MCTP2: variants seen among roughly 807,000 people sequenced by gnomAD.
MCTP2 encodes multiple C2 and transmembrane domain containing 2.
In MCTP2, 132 loss-of-function variants were observed where a neutral mutation model predicts 111.6. The observed-to-expected ratio is 1.18, with a 90% CI of 1.03 to 1.37. MCTP2 has a LOEUF of 1.37. MCTP2 is among the 40% of genes most tolerant of loss of function. MCTP2 has a pLI of 0.00. For missense variants in MCTP2, 1,183 were observed against 1,067.9 expected, an observed-to-expected ratio of 1.11 and a Z score of -1.50; for synonymous variants, 395 against 387.7, an observed-to-expected ratio of 1.02 and a Z score of -0.22.
At position 94,476,697 on chromosome 15, in the gene MCTP2, CATAA is replaced by C; in HGVS notation, c.2479_2482del (p.Lys827LeufsTer17). ...ATCTCCTGTGTTTCTATTTTTCAGG[CATAA>C]ATAAATTTACTAAGAAGCTTCGAAA... On this transcript the variant is annotated frameshift_variant and splice_region_variant, in exon 22 of 23. Coordinates refer to ENST00000357742, the MANE Select transcript of MCTP2 (RefSeq NM_001385001.1). LOFTEE classifies it high-confidence loss of function. The C allele has an allele frequency of 1.3e-6, 2 of 1,513,010 alleles. No homozygotes were observed. The highest frequency in any genetic ancestry group is 1.7e-4 in the Middle Eastern group (1 of 5,790). 93.7% of individuals were successfully genotyped at this position (1,513,010 alleles called of 1,614,324 possible). A position where few individuals can be genotyped will look rare whatever the true frequency, so the allele number is the denominator to read the frequency against.
chr15:94,399,049 T>TTA lies in MCTP2; in HGVS notation c.1884_1885dup (p.Asn629IlefsTer4). ...GGAGTTATTTACTTAGAGATGGACC[T>TTA]TATATATAATCCGGTAAGTCTAGCT... On this transcript the variant is annotated frameshift_variant, in exon 15 of 23. Transcript: ENST00000357742. LOFTEE classifies it high-confidence loss of function. 2.7e-6 allele frequency: 4 copies of TTA among 1,490,022 alleles called. No individual in the cohort carries two copies. Among genetic ancestry groups the TTA allele is most frequent in the Non-Finnish European group, 3.7e-6 (4 of 1,067,516 alleles). The allele number at this position is 1,490,022 out of a possible 1,614,324, so 92.3% of individuals were successfully genotyped here. A position where few individuals can be genotyped will look rare whatever the true frequency, so the allele number is the denominator to read the frequency against.
At chr15:94,379,403 T>C (rs998561816) in intron 12 of MCTP2, among the ~76,000 whole-genome samples, 1 of 152,128 alleles carries the variant, frequency 6.6e-6, no homozygotes, top group African/African-American at 2.4e-5. Flanking sequence ...AAATAGAGTT[T>C]TAGAAATTTT....
intron 4 of MCTP2, among the ~76,000 whole-genome samples, chr15:94,338,488 A>ATTTTT (rs201502636): frequency 1.9e-4 from 25 of 134,190 alleles, no homozygotes; most frequent in African/African-American, 6.4e-4. Context: ...GTTTGCAGGC[A>ATTTTT]TTTTTTTTTT....
intron 17 of MCTP2, among the ~76,000 whole-genome samples, chr15:94,415,779 A>G (rs184432292): frequency 9.5e-4 from 145 of 152,238 alleles, no homozygotes; most frequent in African/African-American, 3.2e-3. Context: ...CACATTTGAA[A>G]AAAGATCTCC....
chr15:94,245,714 G>GTA lies in MCTP2; in HGVS notation c.-66+14051_-66+14052insAT, dbSNP rs1470616292. Among the ~76,000 whole-genome samples, 9 of 142,808 alleles carry GTA rather than the reference G, an allele frequency of 6.3e-5. No individual in the cohort carries two copies. In the East Asian group the frequency reaches 1.0e-3, roughly 16 times the overall value. 93.7% of individuals were successfully genotyped at this position (142,808 alleles called of 152,430 possible). Reference sequence around the variant, plus strand: ...CATATATAAATATATGTGTGTGTGTGTGTATATATATATATATATATCTAT... The same window carrying GTA: ...CATATATAAATATATGTGTGTGTGTGTATGTATATATATATATATATATCTAT... On this transcript the variant is annotated intron_variant, in intron 1 of 22. Transcript: ENST00000357742.
Position 94,460,543 on chromosome 15 carries a change from CAGGA to C in MCTP2, c.2360+2304_2360+2307del, listed in dbSNP as rs144110558. 6.3e-3 allele frequency among the ~76,000 whole-genome samples: 953 copies of C among 152,288 alleles called. 12 individuals carry two copies. Among genetic ancestry groups the C allele is most frequent in the African/African-American group, 0.022 (909 of 41,558 alleles). The stretch of plus-strand genomic sequence containing the variant: ...GAGGACACAGAGTGGGGTCAAGACC[CAGGA>C]AGGAAGATCATGTTGTTTGGTAAAA... On this transcript the variant is annotated intron_variant, in intron 20 of 22. Coordinates refer to ENST00000357742, the MANE Select transcript of MCTP2 (RefSeq NM_001385001.1).
intron 1 of MCTP2, among the ~76,000 whole-genome samples, chr15:94,292,358 A>G (rs924927391): frequency 1.3e-5 from 2 of 152,212 alleles, no homozygotes; most frequent in African/African-American, 2.4e-5. Flanking sequence ...AAATAAAAAT[A>G]CCCAACGTGA....
intron 20 of MCTP2, among the ~76,000 whole-genome samples, chr15:94,466,635 C>T (rs112025328): frequency 0.099 from 15,041 of 152,118 alleles, 753 homozygotes; most frequent in East Asian, 0.18. Flanking sequence ...GGCTTCCCCT[C>T]GTGCCCCCAA....
Position 94,385,410 on chromosome 15 carries a change from A to G in MCTP2, c.1686-13A>G. On this transcript the variant is annotated splice_polypyrimidine_tract_variant and intron_variant, in intron 13 of 22. Coordinates refer to ENST00000357742, the MANE Select transcript of MCTP2 (RefSeq NM_001385001.1). The stretch of plus-strand genomic sequence containing the variant: ...TGTGTTTTTGTGTATAATACATGGT[A>G]TTTTTGTTACAGTCCCATTAAAGAT... 1.3e-6 allele frequency: 2 copies of G among 1,570,780 alleles called. No homozygotes were observed. The highest frequency in any genetic ancestry group is 1.8e-6 in the Non-Finnish European group (2 of 1,141,116).
intron 7 of MCTP2, 66 bp downstream of exon 7, chr15:94,340,990 T>A: frequency 1.0e-6 from 1 of 968,832 alleles, no homozygotes; most frequent in South Asian, 1.3e-5. Flanking sequence ...TCATTGCAAT[T>A]GTCCCTTGAT....
chr15:94,293,238 T>C (rs1318967551), intron 1 of MCTP2, among the ~76,000 whole-genome samples: 1 of 152,172 alleles, frequency 6.6e-6, no homozygotes, highest in Non-Finnish European at 1.5e-5. Flanking sequence ...AAACTTTTAC[T>C]GTGCAAAAGG....
In MCTP2 at chr15:94,390,105, T is replaced by TGC. The variant is rs1388986639; in HGVS notation, c.1788+4580_1788+4581insGC. Among the ~76,000 whole-genome samples, 14 of 40,198 alleles carry TGC rather than the reference T, an allele frequency of 3.5e-4. 2 individuals carry two copies. Among genetic ancestry groups the TGC allele is most frequent in the African/African-American group, 8.2e-4 (14 of 17,158 alleles). 26.4% of individuals were successfully genotyped at this position (40,198 alleles called of 152,430 possible). Reference sequence around the variant, plus strand: ...ATATATATATGTATATATATATATATATATATATGTATATATATATATATA... The same window carrying TGC: ...ATATATATATGTATATATATATATATGCATATATATGTATATATATATATATA... On this transcript the variant is annotated intron_variant, in intron 14 of 22. Transcript: ENST00000357742.
intron 10 of MCTP2, among the ~76,000 whole-genome samples, chr15:94,359,291 A>G (rs545647553): frequency 6.6e-6 from 1 of 152,204 alleles, no homozygotes; most frequent in Non-Finnish European, 1.5e-5. Flanking sequence ...CATTCTATAG[A>G]TGATGAAATG....
At chr15:94,277,695 G>A (rs561952985) in intron 1 of MCTP2, among the ~76,000 whole-genome samples, 2 of 152,194 alleles carry the variant, frequency 1.3e-5, no homozygotes, top group Admixed American at 1.3e-4. Context: ...AATGGACAAA[G>A]CAGGGGATTT....
At chr15:94,313,820 A>G (rs1315283213) in intron 2 of MCTP2, among the ~76,000 whole-genome samples, 2 of 152,174 alleles carry the variant, frequency 1.3e-5, no homozygotes, top group Admixed American at 6.5e-5. Flanking sequence ...TAGCCCCATG[A>G]AGGTATGGCT....
rs1212537946 is a variant in MCTP2, at chr15:94,480,510, G to GA, written c.*1480dup. ...TACTTCAAGTTAATGAAGCTGGCTGGAAAAGAGCCTTGCAGAAATTATAAA... is the reference window on the plus strand; with the variant it reads ...TACTTCAAGTTAATGAAGCTGGCTGGAAAAAGAGCCTTGCAGAAATTATAAA... On this transcript the variant is annotated 3_prime_UTR_variant, in exon 23 of 23. Coordinates refer to ENST00000357742, the MANE Select transcript of MCTP2 (RefSeq NM_001385001.1). 1.2e-4 allele frequency: 19 copies of GA among 152,308 alleles called. No individual in the cohort carries two copies. The highest frequency in any genetic ancestry group is 4.6e-4 in the African/African-American group (19 of 41,578). The allele number at this position is 152,308 out of a possible 1,614,324, so 9.4% of individuals were successfully genotyped here. A position where few individuals can be genotyped will look rare whatever the true frequency, so the allele number is the denominator to read the frequency against.
intron 17 of MCTP2, among the ~76,000 whole-genome samples, chr15:94,420,054 T>A (rs2082552999): frequency 6.6e-6 from 1 of 152,192 alleles, no homozygotes; most frequent in South Asian, 2.1e-4. Flanking sequence ...AGTACTCATT[T>A]AGCATTTTAG....
intron 1 of MCTP2, among the ~76,000 whole-genome samples, chr15:94,288,814 G>A (rs1486830299): frequency 6.6e-6 from 1 of 152,138 alleles, no homozygotes; most frequent in Non-Finnish European, 1.5e-5. Context: ...GATGTGAAGT[G>A]GCACCAATGG....
At chr15:94,323,973 A>G (rs1426587664) in intron 4 of MCTP2, among the ~76,000 whole-genome samples, 1 of 152,022 alleles carries the variant, frequency 6.6e-6, no homozygotes, top group Admixed American at 6.5e-5. Flanking sequence ...ATTGTTTTCG[A>G]CCAAATAGGA....
Sources: gnomAD v4.1 joint callset for allele counts (sites outside exome capture counted in the v4.1 genomes callset) on GRCh38, gnomAD v4.1.1 for gene constraint, MANE v1.5 for transcripts, NCBI Gene and HGNC (gene_info 2026-07-23, HGNC 2026-07-21) for gene names.